Variants in TNS1 observed in about 807,000 individuals in gnomAD.
The protein encoded by TNS1 is tensin-1.
A neutral mutation model predicts 168.6 loss-of-function variants in TNS1; 62 were observed. The observed-to-expected ratio is 0.37, with a 90% CI of 0.30 to 0.45. The LOEUF (loss-of-function observed/expected upper bound fraction) is 0.45, where lower values mean the gene tolerates loss of function less well. Ranked by LOEUF, TNS1 falls within the 20% of genes least tolerant of loss-of-function variation. The pLI is 1.00. For synonymous variants in TNS1, 934 were observed against 933.2 expected (o/e 1.00, Z -0.02); for missense variants, 2,240 against 2,339.4 (o/e 0.96, Z 0.88).
chr2:217,813,106 G>T lies in TNS1; in HGVS notation c.4954+109C>A. 2 of 735,710 alleles carry T rather than the reference G, an allele frequency of 2.7e-6. No individual in the cohort carries two copies. Among genetic ancestry groups the T allele is most frequent in the South Asian group, 3.2e-5 (2 of 62,516 alleles). 45.6% of individuals were successfully genotyped at this position (735,710 alleles called of 1,614,324 possible). On this transcript the variant is annotated intron_variant, in intron 27 of 32. Coordinates refer to ENST00000682258, the MANE Select transcript of TNS1 (RefSeq NM_001387777.1). The surrounding 1 kb of genome is among the most constrained non-coding windows in gnomAD (Gnocchi z 4.0). ...TCTCTGCTGAATTTATGACAAGGGT[G>T]ACTGGCAGAGCCTGTCAGAAAGAAC...
At chr2:217,898,007 A>T in intron 7 of TNS1, 38 bp from the exon 8 acceptor site, 1 of 1,558,910 alleles carries the variant, frequency 6.4e-7, no homozygotes, top group Non-Finnish European at 8.7e-7. Flanking sequence ...CCATATCAGA[A>T]TCCAGCCCAC....
At chr2:217,810,077 G>A in intron 29 of TNS1, 86 bp from the exon 30 acceptor site, 1 of 1,511,168 alleles carries the variant, frequency 6.6e-7, no homozygotes, top group Non-Finnish European at 9.1e-7. Context: ...GGAGAAGGTA[G>A]CAGATAAATT....
At chr2:217,931,044 C>T (rs2125903332) in intron 3 of TNS1, among the ~76,000 whole-genome samples, 1 of 152,280 alleles carries the variant, frequency 6.6e-6, no homozygotes, top group East Asian at 1.9e-4. Flanking sequence ...CAACAATGCC[C>T]ACTGAGTGCC....
chr2:218,029,123 G>A (rs1427666), intron 1 of TNS1, among the ~76,000 whole-genome samples: 47,819 of 152,224 alleles, frequency 0.31, 11,588 homozygotes, highest in African/African-American at 0.68. Flanking sequence ...CCCCCAGAGA[G>A]TGAGTAAGAC....
At chr2:217,893,961 C>T (rs565762842) in intron 9 of TNS1, among the ~76,000 whole-genome samples, 2 of 152,326 alleles carry the variant, frequency 1.3e-5, no homozygotes, top group South Asian at 2.1e-4. Flanking sequence ...TGTCCTCAAG[C>T]TCTTCTCCTA....
intron 3 of TNS1, among the ~76,000 whole-genome samples, chr2:217,926,842 T>C (rs1379116014): frequency 6.6e-6 from 1 of 152,188 alleles, no homozygotes; most frequent in East Asian, 1.9e-4. Flanking sequence ...TTCCAAAGGA[T>C]GGTATCAGGG....
At chr2:217,871,141 C>T (rs1217441371) in intron 18 of TNS1, among the ~76,000 whole-genome samples, 1 of 152,222 alleles carries the variant, frequency 6.6e-6, no homozygotes, top group African/African-American at 2.4e-5. Context: ...ACAAGAGGAC[C>T]AATCTGCCTG....
rs1950621448 is a variant in TNS1, at chr2:217,880,956, G to A, written c.1371C>T (p.Pro457=). 3.7e-6 allele frequency: 6 copies of A among 1,614,064 alleles called. No homozygotes were observed. The highest frequency in any genetic ancestry group is 4.2e-6 in the Non-Finnish European group (5 of 1,180,026). ...TGTCGTAGGAGTCCCAGCGGATGAG[G>A]GGGTCGGAGGTGTTATAGTCCACAG... is the stretch of plus-strand genomic sequence containing the variant. The part of the protein sequence containing the change: ...SVSVDYNTSD[P]LIRWDSYDNF... Residue 457 remains proline, a synonymous_variant, in exon 18 of 33, where the codon CCC becomes CCT. Transcript: ENST00000682258. The surrounding 1 kb of genome is among the most constrained non-coding windows in gnomAD (Gnocchi z 4.2).
chr2:217,894,942 C>A, intron 9 of TNS1, 64 bp downstream of exon 9: 1 of 1,485,322 alleles, frequency 6.7e-7, no homozygotes, highest in Non-Finnish European at 9.3e-7. Flanking sequence ...TATGTGGGAA[C>A]TCCAGAGAGG....
At chr2:217,996,340 G>GCCCC (rs942621641) in intron 1 of TNS1, among the ~76,000 whole-genome samples, 3 of 152,136 alleles carry the variant, frequency 2.0e-5, no homozygotes, top group Non-Finnish European at 4.4e-5. Flanking sequence ...ACTGCCCCAT[G>GCCCC]CCCCCTCACC....
intron 3 of TNS1, among the ~76,000 whole-genome samples, chr2:217,940,971 C>G (rs1011433005): frequency 8.5e-5 from 13 of 152,176 alleles, no homozygotes; most frequent in African/African-American, 2.4e-4. Context: ...GCTCCTCCCC[C>G]ACTCACCCTC....
intron 18 of TNS1, among the ~76,000 whole-genome samples, chr2:217,864,737 C>T (rs1306617393): frequency 1.3e-5 from 2 of 152,222 alleles, no homozygotes; most frequent in Non-Finnish European, 2.9e-5. Context: ...AGAACACTGC[C>T]TCAGGGCTGG....
At chr2:217,965,444 G>A (rs1478607626) in intron 3 of TNS1, among the ~76,000 whole-genome samples, 1 of 152,142 alleles carries the variant, frequency 6.6e-6, no homozygotes, top group East Asian at 1.9e-4. Flanking sequence ...CTAAGCCGGA[G>A]GCCACAGGGA....
At chr2:218,024,495 T>C (rs1193533901) in intron 1 of TNS1, among the ~76,000 whole-genome samples, 1 of 152,110 alleles carries the variant, frequency 6.6e-6, no homozygotes, top group Non-Finnish European at 1.5e-5. Flanking sequence ...GGGGAGCTGA[T>C]GGGGGCAGTG....
chr2:217,931,672 C>T (rs1481383957), intron 3 of TNS1, among the ~76,000 whole-genome samples: 1 of 152,186 alleles, frequency 6.6e-6, no homozygotes, highest in African/African-American at 2.4e-5. Context: ...CAGGTGTTCA[C>T]CTCCCTGTTT....
intron 32 of TNS1, among the ~76,000 whole-genome samples, chr2:217,804,805 G>A (rs1938136491): frequency 6.6e-6 from 1 of 152,160 alleles, no homozygotes; most frequent in African/African-American, 2.4e-5. Flanking sequence ...CCTAGAGACA[G>A]TGTCCCACCT....
At chr2:217,919,043 C>A (rs1326985836) in intron 4 of TNS1, among the ~76,000 whole-genome samples, 1 of 152,184 alleles carries the variant, frequency 6.6e-6, no homozygotes, top group Non-Finnish European at 1.5e-5. Flanking sequence ...CACTTAGAGT[C>A]CCAAGCACTT....
intron 4 of TNS1, among the ~76,000 whole-genome samples, chr2:217,916,390 G>C (rs1955008865): frequency 6.6e-6 from 1 of 152,016 alleles, no homozygotes; most frequent in Non-Finnish European, 1.5e-5. Flanking sequence ...TAGAAGCAAT[G>C]TGCACATCAT....
intron 3 of TNS1, among the ~76,000 whole-genome samples, chr2:217,960,451 T>C (rs1957469748): frequency 6.6e-6 from 1 of 152,046 alleles, no homozygotes. Flanking sequence ...CATGGCCAGG[T>C]CTAGGAGGCT....
Sources: allele counts gnomAD v4.1 joint callset (sites outside exome capture counted in the v4.1 genomes callset), GRCh38; gene constraint gnomAD v4.1.1; non-coding constraint Gnocchi (gnomAD v3.1); transcripts MANE v1.5; gene names NCBI Gene and HGNC (gene_info 2026-07-23, HGNC 2026-07-21).